MYLIP: variants seen among roughly 807,000 people sequenced by gnomAD.
MYLIP encodes the protein E3 ubiquitin-protein ligase MYLIP.
MYLIP carries 26 observed loss-of-function variants against 45.8 expected under a neutral mutation model. The ratio of observed to expected loss-of-function variants is 0.57; its 90% CI spans 0.42 to 0.79. The LOEUF (loss-of-function observed/expected upper bound fraction) is 0.79, where lower values mean the gene tolerates loss of function less well. Ranked by LOEUF, MYLIP falls within the 30% of genes least tolerant of loss-of-function variation. The pLI is 0.00. For synonymous variants in MYLIP, 213 were observed against 218.1 expected (o/e 0.98, Z 0.21); for missense variants, 494 against 555.6 (o/e 0.89, Z 1.11).
At chr6:16,156,720 G>A in the MYLIP span, among the ~76,000 whole-genome samples, 1 of 152,220 alleles carries the variant, frequency 6.6e-6, no homozygotes, top group Non-Finnish European at 1.5e-5. Context: ...ACATTTGAAT[G>A]CAAATGTCTA....
intron 2 of MYLIP, among the ~76,000 whole-genome samples, chr6:16,135,918 A>G (rs1759547599): frequency 6.6e-6 from 1 of 150,918 alleles, no homozygotes; most frequent in Non-Finnish European, 1.5e-5. Context: ...AGTTTACTCT[A>G]CATGCTTTAT....
intron 5 of MYLIP, among the ~76,000 whole-genome samples, 165 bp from the exon 6 acceptor site, chr6:16,144,732 A>C (rs1387094947): frequency 6.6e-6 from 1 of 152,224 alleles, no homozygotes; most frequent in Non-Finnish European, 1.5e-5. Flanking sequence ...CAGAGGTGTA[A>C]TCACTGAGAA....
chr6:16,149,342 C>G (rs949058316), downstream of MYLIP, among the ~76,000 whole-genome samples: 1 of 152,188 alleles, frequency 6.6e-6, no homozygotes, highest in African/African-American at 2.4e-5. Context: ...CACTATATTA[C>G]ATGGTGGCAT....
chr6:16,133,854 A>G (rs1759501982), intron 2 of MYLIP, among the ~76,000 whole-genome samples: 1 of 152,176 alleles, frequency 6.6e-6, no homozygotes, highest in African/African-American at 2.4e-5. Flanking sequence ...TTTTCCAGAA[A>G]ACAACCCCAT....
Position 16,147,142 on chromosome 6 carries a change from A to C in MYLIP, c.*391A>C, listed in dbSNP as rs1759809661. 2 of 158,346 alleles carry C rather than the reference A, an allele frequency of 1.3e-5. No homozygotes were observed. Among genetic ancestry groups the C allele is most frequent in the African/African-American group, 4.8e-5 (2 of 41,594 alleles). The allele number at this position is 158,346 out of a possible 1,614,324, so 9.8% of individuals were successfully genotyped here. On this transcript the variant is annotated 3_prime_UTR_variant, in exon 7 of 7. Transcript: ENST00000356840. ...CTGAGGTAAGTTTCCTACTGGCAGC[A>C]GATTTTGTAAGAATTACTTTTAAGA...
chr6:16,131,668 A>G (rs1759462880), intron 2 of MYLIP, among the ~76,000 whole-genome samples: 2 of 152,228 alleles, frequency 1.3e-5, no homozygotes, highest in South Asian at 2.1e-4. Flanking sequence ...TTTGCCATGC[A>G]TATGAAAAAT....
the MYLIP span, among the ~76,000 whole-genome samples, chr6:16,162,021 T>G: frequency 6.6e-6 from 1 of 152,250 alleles, no homozygotes; most frequent in African/African-American, 2.4e-5. Flanking sequence ...AGCAAAATAG[T>G]TTCCTACAGG....
chr6:16,142,996 C>A (rs370970158), intron 3 of MYLIP, 24 bp from the exon 4 acceptor site: 2 of 1,603,898 alleles, frequency 1.2e-6, no homozygotes, highest in African/African-American at 1.3e-5. Context: ...ATACTTAATT[C>A]TCTGTCCTCT....
chr6:16,157,805 C>G, the MYLIP span, among the ~76,000 whole-genome samples: 12 of 152,238 alleles, frequency 7.9e-5, 1 homozygote, highest in Non-Finnish European at 8.8e-5. Flanking sequence ...CCCAGGTTAA[C>G]GGGCAGCCCT....
the MYLIP span, among the ~76,000 whole-genome samples, chr6:16,159,680 G>C: frequency 6.6e-6 from 1 of 152,172 alleles, no homozygotes; most frequent in Non-Finnish European, 1.5e-5. Context: ...GTCCTGCCTG[G>C]AATAAGGCTG....
At chr6:16,159,421 G>GT in the MYLIP span, among the ~76,000 whole-genome samples, 11 of 152,142 alleles carry the variant, frequency 7.2e-5, no homozygotes, top group African/African-American at 2.7e-4. Flanking sequence ...TCTAAACACT[G>GT]TAAGTATTGT....
rs755597980 is a variant in MYLIP at position 16,146,687 on chromosome 6, T to C, written c.1274T>C (p.Val425Ala). 1 of 1,611,820 alleles carries C rather than the reference T, an allele frequency of 6.2e-7. No individual in the cohort carries two copies. Among genetic ancestry groups the C allele is most frequent in the East Asian group, 2.2e-5 (1 of 44,858 alleles). Residue 425 changes from valine to alanine, a missense_variant, in exon 7 of 7, where the codon GTG becomes GCG. Transcript: ENST00000356840. The stretch of plus-strand genomic sequence containing the variant: ...TCATGTCCCGTCTGCAGGTCGCGTG[T>C]GGAGCATGTCCAGCACGTCTATCTG... ...LQSCPVCRSRVEHVQHVYLPT... is the reference protein window; with the variant it reads ...LQSCPVCRSRAEHVQHVYLPT...
At chr6:16,149,944 G>C (rs1245464194), downstream of MYLIP, among the ~76,000 whole-genome samples, 1 of 152,222 alleles carries the variant, frequency 6.6e-6, no homozygotes, top group African/African-American at 2.4e-5. Flanking sequence ...CCACACATTT[G>C]AGATGCTTGG....
At chr6:16,141,579 G>A (rs1195088044) in intron 2 of MYLIP, 46 bp from the exon 3 acceptor site, 2 of 1,526,024 alleles carry the variant, frequency 1.3e-6, no homozygotes, top group East Asian at 2.3e-5. Flanking sequence ...TGAGATTGAT[G>A]TCAGGTTATC....
At chr6:16,138,965 GT>G (rs1759610399) in intron 2 of MYLIP, among the ~76,000 whole-genome samples, 1 of 152,152 alleles carries the variant, frequency 6.6e-6, no homozygotes, top group Non-Finnish European at 1.5e-5. Context: ...CCTGCCACCT[GT>G]TTACATTCTG....
downstream of MYLIP, among the ~76,000 whole-genome samples, chr6:16,148,789 C>T: frequency 6.6e-6 from 1 of 152,206 alleles, no homozygotes; most frequent in Admixed American, 6.5e-5. Flanking sequence ...TGGTCTACTC[C>T]TGCTAGGTCC....
chr6:16,140,080 G>C (rs146875553), intron 2 of MYLIP, among the ~76,000 whole-genome samples: 23 of 152,144 alleles, frequency 1.5e-4, no homozygotes, highest in African/African-American at 5.6e-4. Context: ...CCTCTACCTG[G>C]AATGTCAGAC....
intron 2 of MYLIP, among the ~76,000 whole-genome samples, chr6:16,133,971 C>G (rs1046409308): frequency 6.6e-6 from 1 of 152,182 alleles, no homozygotes; most frequent in Non-Finnish European, 1.5e-5. Flanking sequence ...GAGTTTGACT[C>G]TGACTCGTCC....
chr6:16,143,287 A>ATCCCTTCCTATTTTCTAT, intron 4 of MYLIP, 70 bp downstream of exon 4: 2 of 1,453,040 alleles, frequency 1.4e-6, no homozygotes, highest in African/African-American at 1.4e-5. Flanking sequence ...GTAATAGAAA[A>ATCCCTTCCTATTTTCTAT]TAGGAAGGGA....
Sources: gnomAD v4.1 joint callset for allele counts (sites outside exome capture counted in the v4.1 genomes callset) on GRCh38, gnomAD v4.1.1 for gene constraint, MANE v1.5 for transcripts, NCBI Gene and HGNC (gene_info 2026-07-23, HGNC 2026-07-21) for gene names.